Variants in EFCAB5 observed in about 807,000 individuals in gnomAD.
The protein encoded by EFCAB5 is EF-hand calcium-binding domain-containing protein 5.
EFCAB5 carries 131 observed loss-of-function variants against 167.9 expected under a neutral mutation model. The observed-to-expected ratio is 0.78, with a 90% CI of 0.68 to 0.90. EFCAB5 has a LOEUF of 0.90. Ranked by LOEUF, EFCAB5 falls within the 40% of genes least tolerant of loss-of-function variation. The pLI is 0.00. For synonymous variants in EFCAB5, 574 were observed against 602.8 expected (o/e 0.95, Z 0.70); for missense variants, 1,663 against 1,745.2 (o/e 0.95, Z 0.84).
At chr17:30,101,783 T>G (rs1369980630) in intron 22 of EFCAB5, among the ~76,000 whole-genome samples, 1 of 152,158 alleles carries the variant, frequency 6.6e-6, no homozygotes. Context: ...ATGGGAGAGA[T>G]AACAGCAGGT....
intron 8 of EFCAB5, among the ~76,000 whole-genome samples, chr17:30,044,186 TTAATC>T (rs1268073830): frequency 6.6e-6 from 1 of 152,192 alleles, no homozygotes; most frequent in Admixed American, 6.5e-5. Context: ...CAGATTATAA[TTAATC>T]TGATCAATTA....
intron 4 of EFCAB5, among the ~76,000 whole-genome samples, chr17:29,992,670 T>A (rs936239303): frequency 6.6e-6 from 1 of 152,198 alleles, no homozygotes; most frequent in Non-Finnish European, 1.5e-5. Context: ...TAAACCACAT[T>A]TCTTCTATCC....
In EFCAB5 at chr17:30,084,317, T is replaced by C. The variant is rs555660849; in HGVS notation, c.3579+1274T>C. 1.7e-4 allele frequency among the ~76,000 whole-genome samples: 26 copies of C among 152,180 alleles called. 1 individual carries two copies. The highest frequency in any genetic ancestry group is 6.3e-4 in the African/African-American group (26 of 41,526). ...CCTGTTTGAAGGGCCCCAGCTACAA[T>C]GGCCCTTCAAAGCACATGGGGCCCC... On this transcript the variant is annotated intron_variant, in intron 18 of 22. Coordinates refer to ENST00000394835, the MANE Select transcript of EFCAB5 (RefSeq NM_198529.4).
chr17:30,064,465 A>T (rs2070507800), intron 14 of EFCAB5, among the ~76,000 whole-genome samples: 1 of 152,180 alleles, frequency 6.6e-6, no homozygotes, highest in African/African-American at 2.4e-5. Context: ...AAAATTACCC[A>T]GTCAGAGAAA....
At chr17:29,942,858 C>T (rs1381498374) in intron 2 of EFCAB5, among the ~76,000 whole-genome samples, 4 of 151,898 alleles carry the variant, frequency 2.6e-5, no homozygotes, top group Non-Finnish European at 5.9e-5. Context: ...GCCAACATAG[C>T]GAAACTCCAT....
chr17:29,999,299 G>T (rs1263736386), intron 6 of EFCAB5, among the ~76,000 whole-genome samples: 1 of 151,466 alleles, frequency 6.6e-6, no homozygotes, highest in Non-Finnish European at 1.5e-5. Flanking sequence ...GTAGAAAAAA[G>T]GTACATGTGT....
intron 3 of EFCAB5, among the ~76,000 whole-genome samples, chr17:29,963,089 G>A (rs2067753990): frequency 1.3e-5 from 2 of 151,924 alleles, no homozygotes; most frequent in Admixed American, 6.6e-5. Flanking sequence ...CTATAGGCAT[G>A]TGCTACCACA....
At chr17:30,095,970 G>A (rs558436896) in intron 22 of EFCAB5, among the ~76,000 whole-genome samples, 43 of 152,354 alleles carry the variant, frequency 2.8e-4, no homozygotes, top group Middle Eastern at 3.4e-3. Flanking sequence ...TTTACAAGTT[G>A]CTCACAGATT....
chr17:29,985,944 C>A (rs1271081202), intron 4 of EFCAB5, among the ~76,000 whole-genome samples: 15 of 152,192 alleles, frequency 9.9e-5, no homozygotes, highest in Admixed American at 9.2e-4. Flanking sequence ...GGCTTTATCA[C>A]AGTGAGCTAC....
chr17:29,941,018 C>T (rs2067291260), upstream of EFCAB5, among the ~76,000 whole-genome samples: 1 of 150,124 alleles, frequency 6.7e-6, no homozygotes, highest in East Asian at 1.9e-4. Context: ...CCAGCCCGGG[C>T]GACAGAATGA....
chr17:29,941,950 G>A, intron 1 of EFCAB5, 112 bp downstream of exon 1: 3 of 1,207,084 alleles, frequency 2.5e-6, no homozygotes, highest in East Asian at 5.2e-5. Flanking sequence ...TCTCTTTTTG[G>A]TTGAAGTATT....
chr17:30,080,244 A>G lies in EFCAB5; in HGVS notation c.3197+3A>G. On this transcript the variant is annotated splice_donor_region_variant and intron_variant, in intron 16 of 22. Transcript: ENST00000394835. ...TACAGGGACATGAAAGGAATCAGGTAAGAACTTCTTGAAGAGATTGGTTTC... is the reference window on the plus strand; with the variant it reads ...TACAGGGACATGAAAGGAATCAGGTGAGAACTTCTTGAAGAGATTGGTTTC... 5.7e-6 allele frequency: 9 copies of G among 1,567,272 alleles called. No homozygotes were observed. Among genetic ancestry groups the G allele is most frequent in the Non-Finnish European group, 7.7e-6 (9 of 1,163,754 alleles).
intron 15 of EFCAB5, 54 bp downstream of exon 15, chr17:30,078,558 G>A (rs2070917794): frequency 1.4e-6 from 2 of 1,475,110 alleles, no homozygotes; most frequent in Non-Finnish European, 1.8e-6. Flanking sequence ...AGTAGGCGAT[G>A]TTCAATGTTT....
intron 3 of EFCAB5, among the ~76,000 whole-genome samples, chr17:29,954,337 C>T (rs112678845): frequency 9.9e-5 from 15 of 152,236 alleles, no homozygotes; most frequent in East Asian, 3.9e-4. Flanking sequence ...TTTCATAGGT[C>T]GGGCCCAGGG....
intron 22 of EFCAB5, among the ~76,000 whole-genome samples, chr17:30,101,069 T>C (rs1214008214): frequency 6.6e-6 from 1 of 152,202 alleles, no homozygotes; most frequent in African/African-American, 2.4e-5. Flanking sequence ...ACTATCATAA[T>C]GTCTTGATTT....
intron 6 of EFCAB5, among the ~76,000 whole-genome samples, chr17:29,999,396 G>A (rs1440900172): frequency 6.6e-6 from 1 of 152,084 alleles, no homozygotes; most frequent in East Asian, 1.9e-4. Flanking sequence ...TACATCTGGG[G>A]CAGAAAGGAG....
intron 7 of EFCAB5, among the ~76,000 whole-genome samples, chr17:30,009,510 C>T (rs866423579): frequency 6.6e-5 from 10 of 152,128 alleles, no homozygotes; most frequent in South Asian, 2.1e-4. Flanking sequence ...TTTTTGGCTT[C>T]TTGTACTTGT....
rs571479063 is a variant in EFCAB5 at position 30,067,600 on chromosome 17, ATAG to A, written c.2737+7900_2737+7902del. Among the ~76,000 whole-genome samples the A allele has an allele frequency of 4.8e-3, 732 of 152,344 alleles. 4 individuals are homozygous for A. The highest frequency in any genetic ancestry group is 7.8e-3 in the Non-Finnish European group (530 of 68,034). On this transcript the variant is annotated intron_variant, in intron 14 of 22. Coordinates refer to ENST00000394835, the MANE Select transcript of EFCAB5 (RefSeq NM_198529.4). ...GACAAAAAATTACATGACTATCTCA[ATAG>A]ATGCAGGAAAAGCATTTGATAAATA...
At chr17:30,093,833 A>G (rs1357866819) in intron 22 of EFCAB5, among the ~76,000 whole-genome samples, 1 of 152,210 alleles carries the variant, frequency 6.6e-6, no homozygotes, top group African/African-American at 2.4e-5. Flanking sequence ...TAGGTCACCC[A>G]GATACCAACC....
Sources: gnomAD v4.1 joint callset for allele counts (sites outside exome capture counted in the v4.1 genomes callset) on GRCh38, gnomAD v4.1.1 for gene constraint, MANE v1.5 for transcripts, NCBI Gene and HGNC (gene_info 2026-07-23, HGNC 2026-07-21) for gene names.